TBCD: variants seen among roughly 807,000 people sequenced by gnomAD.
TBCD encodes tubulin-specific chaperone D.
TBCD carries 105 observed loss-of-function variants against 169.3 expected under a neutral mutation model. That is an observed-to-expected ratio of 0.62 (90% CI 0.53 to 0.73). TBCD has a LOEUF of 0.73. TBCD is among the 30% of genes least tolerant of loss of function. The pLI is 0.00. For missense variants in TBCD, 1,444 were observed against 1,600.1 expected (o/e 0.90, Z 1.66); for synonymous variants, 700 against 643.9 (o/e 1.09, Z -1.32).
In TBCD at chr17:82,782,561, T is replaced by C. The variant is rs2049015716; in HGVS notation, c.771+840T>C. Among the ~76,000 whole-genome samples, 1 of 152,162 alleles carries C rather than the reference T, an allele frequency of 6.6e-6. No individual in the cohort carries two copies. The highest frequency in any genetic ancestry group is 1.5e-5 in the Non-Finnish European group (1 of 68,040). Reference sequence around the variant, plus strand: ...CTTGCTATGTAGGTCAGGGTGGTCTTAAACTCCTGGCCTCAAGTGATCCTC... The same window carrying C: ...CTTGCTATGTAGGTCAGGGTGGTCTCAAACTCCTGGCCTCAAGTGATCCTC... On this transcript the variant is annotated intron_variant, in intron 7 of 38. Transcript: ENST00000355528. This position sits in a 1 kb window ranked among gnomAD's most constrained non-coding sequence, Gnocchi z 5.1.
At chr17:82,786,056 C>T (rs988570686) in intron 7 of TBCD, among the ~76,000 whole-genome samples, 3 of 152,144 alleles carry the variant, frequency 2.0e-5, no homozygotes, top group East Asian at 1.9e-4. Context: ...TTCAGCTTCA[C>T]GGCCTTCATG....
intron 13 of TBCD, among the ~76,000 whole-genome samples, chr17:82,869,949 C>G (rs889746849): frequency 4.6e-5 from 7 of 151,914 alleles, no homozygotes; most frequent in Admixed American, 2.0e-4. Context: ...GTATCATGTG[C>G]TATTCTGAAG....
At chr17:82,777,558 G>A (rs1183755298) in intron 6 of TBCD, among the ~76,000 whole-genome samples, 1 of 152,264 alleles carries the variant, frequency 6.6e-6, no homozygotes, top group Non-Finnish European at 1.5e-5. Context: ...TGGACGGGGG[G>A]CCCTTCCCTG....
chr17:82,752,734 C>T (rs2047172593), intron 1 of TBCD, among the ~76,000 whole-genome samples: 1 of 152,162 alleles, frequency 6.6e-6, no homozygotes, highest in Non-Finnish European at 1.5e-5. Context: ...GAGACTCGGG[C>T]CAGACCCCTC....
intron 34 of TBCD, among the ~76,000 whole-genome samples, chr17:82,936,438 G>T (rs2062636776): frequency 6.6e-6 from 1 of 152,130 alleles, no homozygotes; most frequent in Non-Finnish European, 1.5e-5. Context: ...TGCCTGTTTG[G>T]CTGGGTGTGT....
rs1472455890 is a variant in TBCD at position 82,830,813 on chromosome 17, C to A, written c.1318+15879C>A. 1 of 1,613,386 alleles carries A rather than the reference C, an allele frequency of 6.2e-7. No homozygotes were observed. The highest frequency in any genetic ancestry group is 1.7e-5 in the Admixed American group (1 of 60,018). ...GAGCTGTCGTCCGGACTGGAAGGCG[C>A]GGCCTCCGAGACGAGAGAGGCGCTT... On this transcript the variant is annotated intron_variant, in intron 13 of 38. Coordinates refer to ENST00000355528, the MANE Select transcript of TBCD (RefSeq NM_005993.5).
chr17:82,872,823 C>T (rs973289008), intron 14 of TBCD, among the ~76,000 whole-genome samples: 14 of 152,396 alleles, frequency 9.2e-5, no homozygotes, highest in Middle Eastern at 3.4e-3. Context: ...CTTGTGCTGA[C>T]GGCTTCCCAG....
intron 13 of TBCD, among the ~76,000 whole-genome samples, chr17:82,819,586 G>T (rs956315985): frequency 6.6e-6 from 1 of 150,408 alleles, no homozygotes; most frequent in Non-Finnish European, 1.5e-5. Flanking sequence ...AGGAGGTTGA[G>T]GTGGGAGAAT....
chr17:82,816,848 TA>T (rs35049574), intron 13 of TBCD, among the ~76,000 whole-genome samples: 44,033 of 115,602 alleles, frequency 0.38, 7,906 homozygotes, highest in Middle Eastern at 0.43. Flanking sequence ...CCTGCTTCTT[TA>T]AAAAAAAAAA....
At chr17:82,876,977 A>G in intron 14 of TBCD, 1 of 985,426 alleles carries the variant, frequency 1.0e-6, no homozygotes, top group Non-Finnish European at 1.2e-6. Context: ...AGAGGGTTAG[A>G]CTTGGTGAGG....
chr17:82,873,887 A>G (rs2146044720), intron 14 of TBCD, among the ~76,000 whole-genome samples: 1 of 152,262 alleles, frequency 6.6e-6, no homozygotes, highest in African/African-American at 2.4e-5. Context: ...ATGAACCTTC[A>G]GGGCTGGACT....
At chr17:82,817,281 C>T (rs2051999353) in intron 13 of TBCD, among the ~76,000 whole-genome samples, 1 of 152,044 alleles carries the variant, frequency 6.6e-6, no homozygotes. Context: ...CAGGGGTGCA[C>T]CACCATGCCT....
At chr17:82,893,330 A>G (rs575902053) in intron 16 of TBCD, 74 of 555,076 alleles carry the variant, frequency 1.3e-4, no homozygotes, top group African/African-American at 1.1e-3. Flanking sequence ...AGTGGTTTCA[A>G]TGATTTAGCG....
chr17:82,892,816 T>G lies in TBCD; in HGVS notation c.1564-731T>G, dbSNP rs150010249. 4.6e-5 allele frequency among the ~76,000 whole-genome samples: 7 copies of G among 152,306 alleles called. No homozygotes were observed. In the East Asian group the frequency reaches 1.3e-3, roughly 29 times the overall value. The stretch of plus-strand genomic sequence containing the variant: ...TTCTTAGGAAATTATTTATGTTGTT[T>G]CCAGAATTTCACATCCTGGAACCTG... On this transcript the variant is annotated intron_variant, in intron 16 of 38. Transcript: ENST00000355528.
intron 7 of TBCD, 130 bp from the exon 8 acceptor site, chr17:82,797,627 T>G: frequency 1.5e-6 from 1 of 685,372 alleles, no homozygotes; most frequent in Non-Finnish European, 2.4e-6. Context: ...ACTGTTTTCT[T>G]TATTATTAGG....
At chr17:82,924,517 G>A (rs1193900966) in intron 26 of TBCD, among the ~76,000 whole-genome samples, 1 of 152,190 alleles carries the variant, frequency 6.6e-6, no homozygotes, top group Non-Finnish European at 1.5e-5. Context: ...CACATATGTT[G>A]GCCCACAGTG....
chr17:82,916,496 C>T (rs1253173221), intron 23 of TBCD, among the ~76,000 whole-genome samples: 2 of 150,858 alleles, frequency 1.3e-5, no homozygotes, highest in African/African-American at 2.4e-5. Flanking sequence ...CCACCCACCT[C>T]GGCCTCCCAA....
intron 13 of TBCD, among the ~76,000 whole-genome samples, chr17:82,823,752 A>G (rs2052601362): frequency 6.6e-6 from 1 of 152,208 alleles, no homozygotes; most frequent in Non-Finnish European, 1.5e-5. Flanking sequence ...CATGGTTTTT[A>G]GAATATTCTA....
rs1279883521 is a variant in TBCD, at chr17:82,930,079, G to A, written c.2992-443G>A. ...GGTGCCCTCTGCGCCGTGTGGGCGCGTGCGGGGAGACCCGGGCCCCAGGAC... is the reference window on the plus strand; with the variant it reads ...GGTGCCCTCTGCGCCGTGTGGGCGCATGCGGGGAGACCCGGGCCCCAGGAC... On this transcript the variant is annotated intron_variant, in intron 32 of 38. Coordinates refer to ENST00000355528, the MANE Select transcript of TBCD (RefSeq NM_005993.5). This position sits in a 1 kb window ranked among gnomAD's most constrained non-coding sequence, Gnocchi z 5.2. The A allele has an allele frequency of 3.1e-5, 8 of 253,976 alleles. No homozygotes were observed. Among genetic ancestry groups the A allele is most frequent in the South Asian group, 2.6e-4 (5 of 19,344 alleles). The allele number at this position is 253,976 out of a possible 1,614,324, so 15.7% of individuals were successfully genotyped here.
Sources: allele counts gnomAD v4.1 joint callset (sites outside exome capture counted in the v4.1 genomes callset), GRCh38; gene constraint gnomAD v4.1.1; non-coding constraint Gnocchi (gnomAD v3.1); transcripts MANE v1.5; gene names NCBI Gene and HGNC (gene_info 2026-07-23, HGNC 2026-07-21).